Variants in EFCAB11 observed in about 807,000 individuals in gnomAD.
EFCAB11 encodes EF-hand calcium-binding domain-containing protein 11.
EFCAB11 carries 14 observed loss-of-function variants against 23.0 expected under a neutral mutation model. The observed-to-expected ratio is 0.61, with a 90% confidence interval of 0.40 to 0.95. EFCAB11 has a LOEUF of 0.95. EFCAB11 is among the 40% of genes least tolerant of loss of function. EFCAB11 has a pLI of 0.00. For synonymous variants in EFCAB11, 65 were observed against 66.6 expected, an observed-to-expected ratio of 0.98 and a Z score of 0.11; for missense variants, 198 against 195.8, an observed-to-expected ratio of 1.01 and a Z score of -0.07.
chr14:89,838,735 A>G (rs1887163278), intron 5 of EFCAB11, among the ~76,000 whole-genome samples: 1 of 152,246 alleles, frequency 6.6e-6, no homozygotes, highest in African/African-American at 2.4e-5. Context: ...AGACTTTAGA[A>G]GTATTTCCTT....
At chr14:89,930,477 T>C (rs1044522314) in intron 5 of EFCAB11, among the ~76,000 whole-genome samples, 7 of 152,212 alleles carry the variant, frequency 4.6e-5, no homozygotes, top group Non-Finnish European at 7.3e-5. Flanking sequence ...CAGCTGTGCA[T>C]GACCTTGGAA....
intron 5 of EFCAB11, among the ~76,000 whole-genome samples, chr14:89,911,353 G>A (rs1199227883): frequency 2.6e-5 from 4 of 152,206 alleles, no homozygotes; most frequent in Non-Finnish European, 5.9e-5. Context: ...AAGGAATGCT[G>A]CAGGCACTGC....
At chr14:89,939,749 C>T (rs1013953379) in intron 3 of EFCAB11, among the ~76,000 whole-genome samples, 1 of 152,112 alleles carries the variant, frequency 6.6e-6, no homozygotes, top group Non-Finnish European at 1.5e-5. Context: ...AAGATATATA[C>T]ACATTTTTTG....
chr14:89,948,959 C>T (rs867010586), intron 3 of EFCAB11, among the ~76,000 whole-genome samples: 43 of 149,818 alleles, frequency 2.9e-4, no homozygotes, highest in Admixed American at 2.9e-3. Context: ...CTTAATTGTA[C>T]ATTAAAAAAT....
chr14:89,844,403 C>T lies in EFCAB11; in HGVS notation c.411-47079G>A, dbSNP rs560909901. On this transcript the variant is annotated intron_variant, in intron 5 of 5. Coordinates refer to ENST00000316738, the MANE Select transcript of EFCAB11 (RefSeq NM_145231.4). ...GAATGAAATAATTCATACAATTTTA[C>T]CTACCATTGCCTTTGCACCATCAAT... 7.9e-5 allele frequency among the ~76,000 whole-genome samples: 12 copies of T among 152,286 alleles called. No homozygotes were observed. In the South Asian group the frequency reaches 1.2e-3, roughly 16 times the overall value.
At chr14:89,919,822 T>C (rs775112340) in intron 5 of EFCAB11, among the ~76,000 whole-genome samples, 17 of 152,130 alleles carry the variant, frequency 1.1e-4, no homozygotes, top group Non-Finnish European at 2.2e-4. Flanking sequence ...AAGTCTATAG[T>C]GGATTTAATC....
At chr14:89,897,610 T>C (rs887961383) in intron 5 of EFCAB11, among the ~76,000 whole-genome samples, 3 of 152,224 alleles carry the variant, frequency 2.0e-5, no homozygotes, top group Non-Finnish European at 4.4e-5. Flanking sequence ...TGCGGGTATA[T>C]GTGAGTTAAT....
At position 89,932,575 on chromosome 14, in the gene EFCAB11, T is replaced by C; in HGVS notation, c.270A>G (p.Gln90=). 6.2e-7 allele frequency: 1 copy of C among 1,613,942 alleles called. No individual in the cohort carries two copies. The highest frequency in any genetic ancestry group is 8.5e-7 in the Non-Finnish European group (1 of 1,179,950). ...TGTGTCTTACTTCGTTCCGATATCG[T>C]TGAGCTTCCTTCTTTTTCCTGACAA... ...LNIVRKKKEA[Q]RYRNEVRHIF... The change falls in exon 4 of 6, where the codon CAA becomes CAG. Residue 90 remains glutamine, a synonymous_variant. Transcript: ENST00000316738.
chr14:89,921,392 T>C (rs1351213491), intron 5 of EFCAB11, among the ~76,000 whole-genome samples: 2 of 152,180 alleles, frequency 1.3e-5, no homozygotes, highest in South Asian at 2.1e-4. Context: ...TAAAAAGCTA[T>C]TGAAGTTAGG....
Position 89,797,318 on chromosome 14 carries a change from T to C in EFCAB11, c.417A>G (p.Val139=). 1 of 1,612,896 alleles carries C rather than the reference T, an allele frequency of 6.2e-7. No individual in the cohort carries two copies. Among genetic ancestry groups the C allele is most frequent in the Non-Finnish European group, 8.5e-7 (1 of 1,179,580 alleles). Residue 139 remains valine, a synonymous_variant, in exon 6 of 6, where the codon GTA becomes GTG. Transcript: ENST00000316738. ...ERTVLEVFRE[V]DRDSDGHVSF... ...TGACGTGACCATCTGAATCTCGATC[T>C]ACTTCCCTGGAAAATGAAACAAAAA...
At chr14:89,904,474 C>T (rs1889434421) in intron 5 of EFCAB11, among the ~76,000 whole-genome samples, 1 of 152,234 alleles carries the variant, frequency 6.6e-6, no homozygotes, top group South Asian at 2.1e-4. Context: ...GATTTATAAT[C>T]GTTTGGGTAT....
Position 89,817,962 on chromosome 14 carries a change from C to G in EFCAB11, c.411-20638G>C, listed in dbSNP as rs565808458. ...TGAGCCAAGATCACGCCACCGTACT[C>G]CAGCCTGGGTGACAGAGTGAGACTC... On this transcript the variant is annotated intron_variant, in intron 5 of 5. Transcript: ENST00000316738. Among the ~76,000 whole-genome samples the G allele has an allele frequency of 4.3e-3, 658 of 151,852 alleles. 3 individuals carry two copies. Among genetic ancestry groups the G allele is most frequent in the Non-Finnish European group, 6.9e-3 (472 of 67,972 alleles).
chr14:89,930,271 C>T (rs1362256753), intron 5 of EFCAB11, among the ~76,000 whole-genome samples: 1 of 152,144 alleles, frequency 6.6e-6, no homozygotes, highest in East Asian at 1.9e-4. Flanking sequence ...ATTCAAATAA[C>T]CTATTTACTA....
chr14:89,844,060 T>C (rs1296364734), intron 5 of EFCAB11, among the ~76,000 whole-genome samples: 1 of 152,178 alleles, frequency 6.6e-6, no homozygotes, highest in East Asian at 1.9e-4. Context: ...AGTTTGTCTG[T>C]CAGTCACTCT....
intron 5 of EFCAB11, among the ~76,000 whole-genome samples, chr14:89,879,069 T>C (rs1467701767): frequency 6.6e-6 from 1 of 152,080 alleles, no homozygotes; most frequent in Non-Finnish European, 1.5e-5. Context: ...GATCCCCCCA[T>C]CTCCCTGTCC....
At chr14:89,877,273 T>G (rs558628490) in intron 5 of EFCAB11, among the ~76,000 whole-genome samples, 1 of 151,978 alleles carries the variant, frequency 6.6e-6, no homozygotes, top group Non-Finnish European at 1.5e-5. Flanking sequence ...CTCCTGACTT[T>G]GTGATCTGCC....
chr14:89,849,303 G>C (rs1887526125), intron 5 of EFCAB11, among the ~76,000 whole-genome samples: 1 of 152,168 alleles, frequency 6.6e-6, no homozygotes, highest in Non-Finnish European at 1.5e-5. Flanking sequence ...TTCAGTTTAG[G>C]CATCAGCCAT....
chr14:89,932,441 A>G, intron 4 of EFCAB11, 85 bp downstream of exon 4: 5 of 978,422 alleles, frequency 5.1e-6, no homozygotes, highest in South Asian at 1.5e-5. Context: ...AGTATATTAT[A>G]TATTTGATTT....
chr14:89,836,927 G>A (rs572029692), intron 5 of EFCAB11: 1 of 428,608 alleles, frequency 2.3e-6, no homozygotes, highest in Non-Finnish European at 4.7e-6. Flanking sequence ...GCTGAGGCAG[G>A]AGAATTGCTT....
Sources: gnomAD v4.1 joint callset for allele counts (sites outside exome capture counted in the v4.1 genomes callset) on GRCh38, gnomAD v4.1.1 for gene constraint, MANE v1.5 for transcripts, NCBI Gene and HGNC (gene_info 2026-07-23, HGNC 2026-07-21) for gene names.